The following GPR39 variants were observed in gnomAD, a reference collection of about 807,000 sequenced individuals.
The protein encoded by GPR39 is zinc sensing receptor.
A neutral mutation model predicts 18.4 loss-of-function variants in GPR39; 23 were observed. The observed-to-expected ratio is 1.25, with a 90% confidence interval of 0.90 to 1.77. The LOEUF (loss-of-function observed/expected upper bound fraction) is 1.77. Among genes scored for constraint, GPR39 ranks in the 40% most tolerant of loss-of-function variants. GPR39 has a pLI of 0.00. For synonymous variants in GPR39, 280 were observed against 257.9 expected, an observed-to-expected ratio of 1.09 and a Z score of -0.82; for missense variants, 647 against 602.4, an observed-to-expected ratio of 1.07 and a Z score of -0.78.
intron 1 of GPR39, among the ~76,000 whole-genome samples, chr2:132,507,123 A>G (rs1679148533): frequency 6.6e-6 from 1 of 152,160 alleles, no homozygotes; most frequent in Non-Finnish European, 1.5e-5. Flanking sequence ...ACCTCTCAAT[A>G]CTATCACATT....
chr2:132,621,938 G>A (rs1444163598), intron 1 of GPR39, among the ~76,000 whole-genome samples: 1 of 152,176 alleles, frequency 6.6e-6, no homozygotes, highest in Non-Finnish European at 1.5e-5. Flanking sequence ...GAGAGGTCCT[G>A]TCACAAATCT....
intron 1 of GPR39, among the ~76,000 whole-genome samples, chr2:132,435,618 G>A (rs1235723271): frequency 1.3e-5 from 2 of 152,128 alleles, no homozygotes; most frequent in Non-Finnish European, 2.9e-5. Flanking sequence ...ACTGTTCAAG[G>A]GTCAACTGTA....
intron 1 of GPR39, among the ~76,000 whole-genome samples, chr2:132,492,153 C>T: frequency 6.8e-6 from 1 of 146,724 alleles, no homozygotes; most frequent in African/African-American, 2.5e-5. Flanking sequence ...ATATACACCA[C>T]ATAAATATAT....
At position 132,645,690 on chromosome 2, in the gene GPR39, C is replaced by A; in HGVS notation, c.*84C>A. On this transcript the variant is annotated 3_prime_UTR_variant, in exon 2 of 2. Coordinates refer to ENST00000329321, the MANE Select transcript of GPR39 (RefSeq NM_001508.3). Reference sequence around the variant, plus strand: ...TCTCACTCTGCAGTCTCAAACTATGCCCCCATCAGGGATGGAATGGACACT... The same window carrying A: ...TCTCACTCTGCAGTCTCAAACTATGACCCCATCAGGGATGGAATGGACACT... 1.3e-6 allele frequency: 2 copies of A among 1,506,314 alleles called. No individual in the cohort carries two copies. Among genetic ancestry groups the A allele is most frequent in the South Asian group, 1.3e-5 (1 of 75,746 alleles). 93.3% of individuals were successfully genotyped at this position (1,506,314 alleles called of 1,614,324 possible). A position where few individuals can be genotyped will look rare whatever the true frequency, so the allele number is the denominator to read the frequency against.
chr2:132,460,493 T>A (rs1680811380), intron 1 of GPR39, among the ~76,000 whole-genome samples: 1 of 152,150 alleles, frequency 6.6e-6, no homozygotes. Context: ...AGCCAATGCT[T>A]AAACTGAGAT....
chr2:132,609,559 A>G (rs1036279342), intron 1 of GPR39, among the ~76,000 whole-genome samples: 5 of 152,168 alleles, frequency 3.3e-5, no homozygotes, highest in African/African-American at 1.2e-4. Context: ...GCAGGGATGC[A>G]AAGGCCCCTT....
rs369194822 is a variant in GPR39, at chr2:132,646,313, G to C, written c.*707G>C. 11 of 1,377,854 alleles carry C rather than the reference G, an allele frequency of 8.0e-6. No homozygotes were observed. Among genetic ancestry groups the C allele is most frequent in the Non-Finnish European group, 1.1e-5 (11 of 1,045,024 alleles). 85.4% of individuals were successfully genotyped at this position (1,377,854 alleles called of 1,614,324 possible). On this transcript the variant is annotated 3_prime_UTR_variant, in exon 2 of 2. Transcript: ENST00000329321. ...ACAGACCCAAAGGAGCTGAGTTAACGTGCACCGGCAAAAGAATAGCTGTCC... is the reference window on the plus strand; with the variant it reads ...ACAGACCCAAAGGAGCTGAGTTAACCTGCACCGGCAAAAGAATAGCTGTCC...
chr2:132,607,589 C>G (rs1681161839), intron 1 of GPR39, among the ~76,000 whole-genome samples: 1 of 152,120 alleles, frequency 6.6e-6, no homozygotes, highest in Non-Finnish European at 1.5e-5. Flanking sequence ...ACGTCTGACA[C>G]CAGCAAGAGG....
chr2:132,467,060 A>C (rs944227787), intron 1 of GPR39, among the ~76,000 whole-genome samples: 2 of 152,212 alleles, frequency 1.3e-5, no homozygotes, highest in African/African-American at 4.8e-5. Flanking sequence ...AGTTGTAGGC[A>C]GTGAAGAAAT....
At chr2:132,550,598 C>T (rs1025587374) in intron 1 of GPR39, among the ~76,000 whole-genome samples, 2 of 152,304 alleles carry the variant, frequency 1.3e-5, no homozygotes, top group African/African-American at 2.4e-5. Flanking sequence ...TAGGAGGCTA[C>T]AGAAGAATTT....
At position 132,560,099 on chromosome 2, in the gene GPR39, G is replaced by A. The variant is rs550160164; in HGVS notation, c.857-85002G>A. Among the ~76,000 whole-genome samples, 8 of 152,144 alleles carry A rather than the reference G, an allele frequency of 5.3e-5. No homozygotes were observed. In the South Asian group the frequency reaches 1.7e-3, roughly 32 times the overall value. ...CTCTGGGAGCTGTCTGCATCCCTCA[G>A]CCAGCTTAGCTCTCTTTCCCAATCC... On this transcript the variant is annotated intron_variant, in intron 1 of 1. Coordinates refer to ENST00000329321, the MANE Select transcript of GPR39 (RefSeq NM_001508.3).
chr2:132,604,231 C>G, intron 1 of GPR39, among the ~76,000 whole-genome samples: 1 of 152,122 alleles, frequency 6.6e-6, no homozygotes, highest in Non-Finnish European at 1.5e-5. Context: ...CTTCTGTCTT[C>G]CCTCAGCAGG....
chr2:132,541,807 A>G (rs1244688966), intron 1 of GPR39, among the ~76,000 whole-genome samples: 1 of 152,198 alleles, frequency 6.6e-6, no homozygotes, highest in South Asian at 2.1e-4. Flanking sequence ...CTCATAGGGC[A>G]GTGTCTTAGC....
chr2:132,532,045 A>T (rs1355246288), intron 1 of GPR39, among the ~76,000 whole-genome samples: 4 of 152,354 alleles, frequency 2.6e-5, no homozygotes, highest in African/African-American at 9.6e-5. Context: ...CCTTCAAAAA[A>T]TCAATGAATC....
chr2:132,534,574 G>T (rs1486400013), intron 1 of GPR39, among the ~76,000 whole-genome samples: 1 of 150,320 alleles, frequency 6.7e-6, no homozygotes, highest in South Asian at 2.1e-4. Flanking sequence ...CAATAGCAAA[G>T]ACTTGGAACC....
intron 1 of GPR39, among the ~76,000 whole-genome samples, chr2:132,478,223 A>T (rs1302110761): frequency 1.3e-5 from 2 of 152,212 alleles, no homozygotes; most frequent in African/African-American, 4.8e-5. Flanking sequence ...CCTTGAGGGG[A>T]GGAGTTATGT....
intron 1 of GPR39, among the ~76,000 whole-genome samples, chr2:132,465,506 G>A (rs1680912222): frequency 6.6e-6 from 1 of 152,216 alleles, no homozygotes; most frequent in African/African-American, 2.4e-5. Flanking sequence ...AGTAATCACA[G>A]CCATTACTGT....
In GPR39 at chr2:132,645,499, C is replaced by CCCCAGT; in HGVS notation, c.1257_1262dup (p.Gln420_Ser421dup). 1 of 1,613,700 alleles carries CCCCAGT rather than the reference C, an allele frequency of 6.2e-7. No individual in the cohort carries two copies. Among genetic ancestry groups the CCCCAGT allele is most frequent in the African/African-American group, 1.3e-5 (1 of 74,632 alleles). On this transcript the variant is annotated inframe_insertion, in exon 2 of 2. Coordinates refer to ENST00000329321, the MANE Select transcript of GPR39 (RefSeq NM_001508.3). ...AAGCACTTTTCAGAGCGAGGCCGAG[C>CCCCAGT]CCCAGTCTAAGTCCCAGTCATTGAG... is the stretch of plus-strand genomic sequence containing the variant.
At chr2:132,581,227 G>C (rs945784608) in intron 1 of GPR39, among the ~76,000 whole-genome samples, 1 of 152,040 alleles carries the variant, frequency 6.6e-6, no homozygotes, top group Non-Finnish European at 1.5e-5. Flanking sequence ...CAGGAAACCA[G>C]AGCAAGAAAG....
Sources: gnomAD v4.1 joint callset for allele counts (sites outside exome capture counted in the v4.1 genomes callset) on GRCh38, gnomAD v4.1.1 for gene constraint, MANE v1.5 for transcripts, NCBI Gene and HGNC (gene_info 2026-07-23, HGNC 2026-07-21) for gene names.